SOX5: variants seen among roughly 807,000 people sequenced by gnomAD.
SOX5 encodes the protein transcription factor SOX-5.
A neutral mutation model predicts 92.0 loss-of-function variants in SOX5; 9 were observed. The ratio of observed to expected loss-of-function variants is 0.10; its 90% CI spans 0.06 to 0.17. SOX5 has a LOEUF of 0.17. SOX5 is among the 10% of genes least tolerant of loss of function. The pLI is 1.00. For missense variants in SOX5, 642 were observed against 944.5 expected (o/e 0.68, Z 4.20); for synonymous variants, 344 against 336.3 (o/e 1.02, Z -0.25).
intron 1 of SOX5, among the ~76,000 whole-genome samples, chr12:23,919,762 G>A (rs2097461949): frequency 6.6e-6 from 1 of 152,140 alleles, no homozygotes; most frequent in African/African-American, 2.4e-5. Context: ...CACAGTCTAT[G>A]CTTTTAGCCA....
chr12:24,205,789 C>T (rs3884510), intron 4 of SOX5, among the ~76,000 whole-genome samples: 73,803 of 152,098 alleles, frequency 0.49, 19,183 homozygotes, highest in Non-Finnish European at 0.59. Context: ...CCTGGCTCCT[C>T]GGATACATGC....
In SOX5 at chr12:24,540,377, T is replaced by C. The variant is rs182021299; in HGVS notation, c.-251+21952A>G. Among the ~76,000 whole-genome samples, 8 of 152,248 alleles carry C rather than the reference T, an allele frequency of 5.3e-5. No homozygotes were observed. In the East Asian group the frequency reaches 1.5e-3, roughly 29 times the overall value. ...GTTCAAATGTATTTTACCATGTTAATGGTCACCTTAGAACACTACTCACTT... is the reference window on the plus strand; with the variant it reads ...GTTCAAATGTATTTTACCATGTTAACGGTCACCTTAGAACACTACTCACTT... On this transcript the variant is annotated intron_variant, in intron 1 of 4. Transcript: ENST00000446891.
At chr12:23,545,038 A>T (rs552275852) in intron 12 of SOX5, among the ~76,000 whole-genome samples, 13 of 152,362 alleles carry the variant, frequency 8.5e-5, no homozygotes, top group African/African-American at 3.1e-4. Flanking sequence ...GCAACATTAG[A>T]CCCAGAAAAA....
intron 9 of SOX5, among the ~76,000 whole-genome samples, chr12:23,595,501 C>T (rs564043256): frequency 6.6e-6 from 1 of 151,694 alleles, no homozygotes; most frequent in Non-Finnish European, 1.5e-5. Context: ...CACCTGTTGT[C>T]CCAGCTACTT....
At chr12:24,261,504 G>GCCACA (rs1228243758) in intron 3 of SOX5, among the ~76,000 whole-genome samples, 2 of 151,984 alleles carry the variant, frequency 1.3e-5, no homozygotes, top group African/African-American at 2.4e-5. Flanking sequence ...CCACCCCAAA[G>GCCACA]CCACACCACA....
At chr12:23,723,272 A>C (rs1430129976) in intron 6 of SOX5, among the ~76,000 whole-genome samples, 1 of 152,082 alleles carries the variant, frequency 6.6e-6, no homozygotes, top group East Asian at 1.9e-4. Flanking sequence ...TTAAAATGAA[A>C]ACAAACTCAA....
At chr12:23,819,702 GT>G (rs753740800) in intron 3 of SOX5, among the ~76,000 whole-genome samples, 20 of 152,084 alleles carry the variant, frequency 1.3e-4, no homozygotes, top group Non-Finnish European at 2.6e-4. Context: ...TCCTGTGTTA[GT>G]TTGCTGAGAA....
At chr12:24,317,227 C>T (rs774963050) in intron 2 of SOX5, among the ~76,000 whole-genome samples, 46 of 152,162 alleles carry the variant, frequency 3.0e-4, no homozygotes, top group Non-Finnish European at 6.3e-4. Flanking sequence ...ATTTAAGAAA[C>T]TATTCCATCA....
intron 3 of SOX5, among the ~76,000 whole-genome samples, chr12:24,265,609 T>C (rs1942896008): frequency 6.6e-6 from 1 of 152,182 alleles, no homozygotes; most frequent in South Asian, 2.1e-4. Flanking sequence ...AAAAGTGATA[T>C]GCATTTTTCT....
chr12:24,281,914 C>T (rs978063333), intron 2 of SOX5, among the ~76,000 whole-genome samples: 37 of 152,178 alleles, frequency 2.4e-4, no homozygotes, highest in African/African-American at 8.7e-4. Context: ...TGAATAAACA[C>T]ACACATCCCA....
chr12:23,699,657 T>C (rs1180598276), intron 6 of SOX5, among the ~76,000 whole-genome samples: 1 of 152,180 alleles, frequency 6.6e-6, no homozygotes, highest in Non-Finnish European at 1.5e-5. Context: ...TCTTATTTTT[T>C]ATGCACTGCT....
chr12:24,506,784 C>CTTTTGTTTTTTTTTTTTTTT (rs1948798403), intron 1 of SOX5, among the ~76,000 whole-genome samples: 1 of 81,760 alleles, frequency 1.2e-5, no homozygotes, highest in Non-Finnish European at 2.2e-5. Flanking sequence ...TCCAAATGGT[C>CTTTTGTTTTTTTTTTTTTTT]TTTTTTTTTT....
At chr12:24,253,188 T>C (rs1446398847) in intron 3 of SOX5, among the ~76,000 whole-genome samples, 1 of 151,410 alleles carries the variant, frequency 6.6e-6, no homozygotes, top group African/African-American at 2.4e-5. Flanking sequence ...TGCTCAGACA[T>C]AAACTTTTGT....
At chr12:24,256,764 T>C (rs1941263247) in intron 3 of SOX5, among the ~76,000 whole-genome samples, 1 of 152,176 alleles carries the variant, frequency 6.6e-6, no homozygotes, top group African/African-American at 2.4e-5. Context: ...CCTCTCACTT[T>C]AAACACACAC....
intron 4 of SOX5, among the ~76,000 whole-genome samples, chr12:23,989,034 T>C (rs779515272): frequency 4.7e-4 from 72 of 152,172 alleles, no homozygotes; most frequent in Middle Eastern, 3.4e-3. Context: ...ATTTCAGATG[T>C]AGAATATTTC....
intron 2 of SOX5, among the ~76,000 whole-genome samples, chr12:24,358,859 C>T (rs10842333): frequency 0.25 from 38,606 of 152,012 alleles, 6,054 homozygotes; most frequent in Non-Finnish European, 0.36. Flanking sequence ...ATAATATTTG[C>T]TACTATTTAT....
Position 23,532,804 on chromosome 12 carries a change from A to G in SOX5, c.*1415T>C, listed in dbSNP as rs1393569867. ...AATACCTTATAAAATCATCAGTTTC[A>G]TTTCCTGATCGGGAAAGGATGGAAT... On this transcript the variant is annotated 3_prime_UTR_variant, in exon 15 of 15. Transcript: ENST00000451604. 3 of 161,462 alleles carry G rather than the reference A, an allele frequency of 1.9e-5. No homozygotes were observed. 10.0% of individuals were successfully genotyped at this position (161,462 alleles called of 1,614,324 possible). A position where few individuals can be genotyped will look rare whatever the true frequency, so the allele number is the denominator to read the frequency against.
chr12:24,288,020 T>C (rs1946117579), intron 2 of SOX5, among the ~76,000 whole-genome samples: 1 of 152,212 alleles, frequency 6.6e-6, no homozygotes, highest in Non-Finnish European at 1.5e-5. Flanking sequence ...CATGAATGTT[T>C]ATCAGGATTA....
intron 1 of SOX5, among the ~76,000 whole-genome samples, chr12:24,412,761 T>TG (rs377502525): frequency 1.3e-5 from 2 of 148,416 alleles, no homozygotes; most frequent in Non-Finnish European, 3.0e-5. Flanking sequence ...CTGCTGCTGC[T>TG]GGGTTTCCAT....
Sources: gnomAD v4.1 joint callset for allele counts (sites outside exome capture counted in the v4.1 genomes callset) on GRCh38, gnomAD v4.1.1 for gene constraint, MANE v1.5 for transcripts, NCBI Gene and HGNC (gene_info 2026-07-23, HGNC 2026-07-21) for gene names.